The following DIAPH2 variants were observed in gnomAD, a reference collection of about 807,000 sequenced individuals.
The protein encoded by DIAPH2 is diaphanous related formin 2, also known as protein diaphanous homolog 2.
DIAPH2 carries 35 observed loss-of-function variants against 92.7 expected under a neutral mutation model. That is an observed-to-expected ratio of 0.38 (90% CI 0.29 to 0.50). The LOEUF (loss-of-function observed/expected upper bound fraction) is 0.50. DIAPH2 is among the 20% of genes least tolerant of loss of function. The probability of loss-of-function intolerance (pLI) is 0.94; values close to 1 mark genes in which losing one functional copy is unlikely to be tolerated. For missense variants in DIAPH2, 701 were observed against 819.5 expected (o/e 0.86, Z 1.77); for synonymous variants, 301 against 280.4 (o/e 1.07, Z -0.73).
intron 23 of DIAPH2, among the ~76,000 whole-genome samples, chrX:97,301,263 G>A (rs1349346604): frequency 9.1e-6 from 1 of 109,920 alleles, no homozygotes; most frequent in African/African-American, 3.3e-5. Flanking sequence ...AGATGTATAT[G>A]TACAGTTAAA....
chrX:97,493,202 CT>C (rs1340725339), intron 26 of DIAPH2, among the ~76,000 whole-genome samples: 1 of 112,224 alleles, frequency 8.9e-6, no homozygotes, highest in African/African-American at 3.2e-5. Context: ...AGTTCAGTCA[CT>C]GAACCAGAAT....
At chrX:97,129,371 A>C (rs1366495517) in intron 21 of DIAPH2, among the ~76,000 whole-genome samples, 1 of 108,418 alleles carries the variant, frequency 9.2e-6, no homozygotes, top group African/African-American at 3.4e-5. Context: ...TTCACCATAT[A>C]GGGCAGGGTG....
intron 23 of DIAPH2, among the ~76,000 whole-genome samples, chrX:97,304,614 T>C (rs1046005683): frequency 8.9e-6 from 1 of 112,355 alleles, no homozygotes; most frequent in African/African-American, 3.2e-5. Flanking sequence ...TCTGTGATGG[T>C]GTTCATCTCA....
chrX:96,953,159 A>G (rs991972), intron 15 of DIAPH2, among the ~76,000 whole-genome samples: 49,296 of 110,206 alleles, frequency 0.45, 8,240 homozygotes, highest in South Asian at 0.57. Context: ...ACACTATCCC[A>G]AGAAATTTAA....
chrX:97,470,961 G>T (rs1384336006), intron 26 of DIAPH2, among the ~76,000 whole-genome samples: 1 of 111,316 alleles, frequency 9.0e-6, no homozygotes, highest in Non-Finnish European at 1.9e-5. Flanking sequence ...GCATTCCAAG[G>T]GTGTGAGACT....
intron 17 of DIAPH2, among the ~76,000 whole-genome samples, chrX:97,012,789 T>C (rs1402278435): frequency 1.8e-5 from 2 of 112,317 alleles, no homozygotes; most frequent in African/African-American, 3.2e-5. Context: ...TTAACATTTA[T>C]TGACTGTCTC....
At chrX:96,848,223 G>T (rs1269262017) in intron 4 of DIAPH2, among the ~76,000 whole-genome samples, 1 of 110,168 alleles carries the variant, frequency 9.1e-6, no homozygotes, top group Non-Finnish European at 1.9e-5. Context: ...AAATTTTTTT[G>T]TAGAGTTGGG....
intron 1 of DIAPH2, among the ~76,000 whole-genome samples, chrX:96,718,340 T>G (rs866274887): frequency 3.9e-4 from 17 of 43,255 alleles, no homozygotes; most frequent in Non-Finnish European, 5.7e-4. Context: ...TTCTTTGTTT[T>G]TTTTTTTTTT....
chrX:97,090,907 C>T (rs1157948223), intron 19 of DIAPH2, among the ~76,000 whole-genome samples: 1 of 112,079 alleles, frequency 8.9e-6, no homozygotes, highest in Non-Finnish European at 1.9e-5. Context: ...TTACCCTTCT[C>T]CCCAGAAGAA....
intron 26 of DIAPH2, among the ~76,000 whole-genome samples, chrX:97,440,611 AAAAAG>A (rs2070246340): frequency 2.8e-5 from 3 of 108,662 alleles, no homozygotes; most frequent in African/African-American, 6.7e-5. Context: ...AAAAAAAAAA[AAAAAG>A]AAAGAGAGAG....
chrX:97,032,219 GA>G (rs761571405), intron 17 of DIAPH2, among the ~76,000 whole-genome samples: 15 of 111,172 alleles, frequency 1.3e-4, no homozygotes, highest in Non-Finnish European at 2.3e-4. Context: ...CCTGGTTGGG[GA>G]TGGAGAAGGG....
intron 26 of DIAPH2, among the ~76,000 whole-genome samples, chrX:97,483,978 A>T (rs970450392): frequency 7.1e-5 from 8 of 112,086 alleles, no homozygotes; most frequent in African/African-American, 9.7e-5. Flanking sequence ...AAAATCTTTT[A>T]AAAAAATCAT....
intron 5 of DIAPH2, among the ~76,000 whole-genome samples, chrX:96,908,850 C>T (rs1039941292): frequency 1.9e-4 from 21 of 111,860 alleles, no homozygotes; most frequent in African/African-American, 6.2e-4. Flanking sequence ...CCGCCCGCCT[C>T]GGCCTCCCAA....
chrX:97,368,905 T>TTTTC (rs1274839997), intron 24 of DIAPH2, among the ~76,000 whole-genome samples: 3 of 83,125 alleles, frequency 3.6e-5, no homozygotes, highest in Non-Finnish European at 7.0e-5. Context: ...CTTTCTTTTT[T>TTTTC]TTTTTTTTTT....
At chrX:97,478,873 T>TA (rs2070629949) in intron 26 of DIAPH2, among the ~76,000 whole-genome samples, 1 of 111,947 alleles carries the variant, frequency 8.9e-6, no homozygotes, top group Non-Finnish European at 1.9e-5. Flanking sequence ...TATGGTAGAA[T>TA]GCCGTGGTAC....
chrX:96,705,387 A>G (rs186556321), intron 1 of DIAPH2, among the ~76,000 whole-genome samples: 2 of 112,061 alleles, frequency 1.8e-5, no homozygotes, highest in African/African-American at 3.2e-5. Context: ...AGTTTGTGGC[A>G]TAGGTATTTC....
intron 25 of DIAPH2, among the ~76,000 whole-genome samples, chrX:97,385,751 AACTAACATATAGC>A (rs1285121295): frequency 8.9e-6 from 1 of 112,051 alleles, no homozygotes; most frequent in African/African-American, 3.2e-5. Flanking sequence ...TAACAACAAC[AACTAACATATAGC>A]ACTTGCTATT....
intron 26 of DIAPH2, among the ~76,000 whole-genome samples, chrX:97,529,539 T>A (rs981706648): frequency 2.7e-5 from 3 of 112,069 alleles, no homozygotes; most frequent in African/African-American, 6.5e-5. Flanking sequence ...CCCTCATATG[T>A]TTTACAGATA....
chrX:96,933,868 G>A (rs1337042316), intron 10 of DIAPH2, among the ~76,000 whole-genome samples: 2 of 103,409 alleles, frequency 1.9e-5, no homozygotes, highest in East Asian at 6.1e-4. Context: ...CGCCTGCCTC[G>A]GCCTCCCAAA....
Sources: allele counts gnomAD v4.1 joint callset (sites outside exome capture counted in the v4.1 genomes callset), GRCh38; gene constraint gnomAD v4.1.1; transcripts MANE v1.5; gene names NCBI Gene and HGNC (gene_info 2026-07-23, HGNC 2026-07-21).